The following KCTD1 variants were observed in gnomAD, a reference collection of about 807,000 sequenced individuals.
KCTD1 encodes BTB/POZ domain-containing protein KCTD1.
Under a neutral mutation model 66.0 loss-of-function variants are expected in KCTD1, and 24 were observed. The ratio of observed to expected loss-of-function variants is 0.36; its 90% CI spans 0.26 to 0.51. The LOEUF is 0.51. Ranked by LOEUF, KCTD1 falls within the 20% of genes least tolerant of loss-of-function variation. The pLI, the probability that KCTD1 is intolerant of heterozygous loss-of-function variation, is 0.95. For synonymous variants in KCTD1, 511 were observed against 517.2 expected, an observed-to-expected ratio of 0.99 and a Z score of 0.16; for missense variants, 943 against 1,205.2, an observed-to-expected ratio of 0.78 and a Z score of 3.22.
At chr18:26,570,191 A>AAAAAAATATATATAT (rs776923644) in intron 1 of KCTD1, among the ~76,000 whole-genome samples, 3 of 132,548 alleles carry the variant, frequency 2.3e-5, no homozygotes, top group South Asian at 5.0e-4. Context: ...ATCTAAAAAA[A>AAAAAAATATATATAT]ATATATATAT....
chr18:26,501,375 G>T, intron 1 of KCTD1, 125 bp from the exon 2 acceptor site: 1 of 822,792 alleles, frequency 1.2e-6, no homozygotes, highest in African/African-American at 1.7e-5. Flanking sequence ...CTGAAAAACC[G>T]GCAAGCTCTT....
At chr18:26,490,700 C>T (rs1441745089) in intron 2 of KCTD1, among the ~76,000 whole-genome samples, 1 of 152,086 alleles carries the variant, frequency 6.6e-6, no homozygotes, top group Non-Finnish European at 1.5e-5. Context: ...GTGCCAGGCA[C>T]CGAAGACTAC....
chr18:26,606,335 GT>G (rs1458744221), intron 1 of KCTD1, among the ~76,000 whole-genome samples: 1 of 152,184 alleles, frequency 6.6e-6, no homozygotes, highest in Admixed American at 6.5e-5. Flanking sequence ...GGCTGAACCA[GT>G]TTTTTAGGTT....
At chr18:26,516,138 G>A (rs941725276) in intron 1 of KCTD1, among the ~76,000 whole-genome samples, 3 of 152,142 alleles carry the variant, frequency 2.0e-5, no homozygotes, top group Non-Finnish European at 4.4e-5. Flanking sequence ...GGACAGTGGT[G>A]TGGGAGGGAG....
intron 1 of KCTD1, among the ~76,000 whole-genome samples, chr18:26,595,719 T>C (rs762582857): frequency 2.0e-5 from 3 of 152,206 alleles, no homozygotes; most frequent in Non-Finnish European, 4.4e-5. Context: ...AAGTTTTGTA[T>C]TGAATAAGGC....
At chr18:26,626,619 A>G (rs983187158) in intron 1 of KCTD1, among the ~76,000 whole-genome samples, 1 of 151,910 alleles carries the variant, frequency 6.6e-6, no homozygotes. Context: ...GACCACAGGC[A>G]CGGGCCACCA....
At chr18:26,599,267 T>C (rs544008944) in intron 1 of KCTD1, 2 of 681,294 alleles carry the variant, frequency 2.9e-6, no homozygotes, top group South Asian at 4.1e-5. Context: ...TTGAAAAGAC[T>C]ATTCCTTCTC....
chr18:26,567,341 C>T (rs530805593), intron 1 of KCTD1, among the ~76,000 whole-genome samples: 1 of 152,192 alleles, frequency 6.6e-6, no homozygotes, highest in Non-Finnish European at 1.5e-5. Context: ...AACAACCACT[C>T]TGGAATCTAT....
chr18:26,641,255 G>C (rs1294675985), upstream of KCTD1, among the ~76,000 whole-genome samples: 2 of 152,124 alleles, frequency 1.3e-5, no homozygotes, highest in African/African-American at 2.4e-5. Flanking sequence ...AAACATCTGG[G>C]GGCAGAGCCT....
At chr18:26,612,667 C>T (rs1416487150) in intron 1 of KCTD1, among the ~76,000 whole-genome samples, 1 of 152,160 alleles carries the variant, frequency 6.6e-6, no homozygotes, top group Non-Finnish European at 1.5e-5. Context: ...AGACTTCTGG[C>T]CTGCAGAACT....
At chr18:26,565,444 G>A (rs1163358536) in intron 1 of KCTD1, among the ~76,000 whole-genome samples, 1 of 152,146 alleles carries the variant, frequency 6.6e-6, no homozygotes. Flanking sequence ...CCTTCCCAGA[G>A]TATACTCTGG....
chr18:26,584,418 ATC>A (rs1986425970), intron 1 of KCTD1, among the ~76,000 whole-genome samples: 2 of 152,270 alleles, frequency 1.3e-5, no homozygotes, highest in South Asian at 4.1e-4. Context: ...AATTAATTTC[ATC>A]TGTTTCTTTT....
At chr18:26,641,420 G>T (rs915493186), upstream of KCTD1, among the ~76,000 whole-genome samples, 20 of 152,166 alleles carry the variant, frequency 1.3e-4, no homozygotes, top group Non-Finnish European at 4.4e-5. Flanking sequence ...GCCCTTTTTA[G>T]CTCAGACACA....
chr18:26,556,249 G>A (rs1251952112), intron 1 of KCTD1, among the ~76,000 whole-genome samples: 1 of 152,134 alleles, frequency 6.6e-6, no homozygotes, highest in Non-Finnish European at 1.5e-5. Flanking sequence ...CTTGGAGAGG[G>A]GCAGAGAAGC....
intron 1 of KCTD1, among the ~76,000 whole-genome samples, chr18:26,626,337 A>G (rs1230043662): frequency 1.3e-5 from 2 of 152,314 alleles, no homozygotes; most frequent in Admixed American, 6.5e-5. Flanking sequence ...CCAAAAACCA[A>G]GAAATAAATA....
At chr18:26,514,547 CTCA>C (rs1567975957) in intron 1 of KCTD1, among the ~76,000 whole-genome samples, 1 of 81,032 alleles carries the variant, frequency 1.2e-5, no homozygotes, top group Non-Finnish European at 2.3e-5. Context: ...GAGACCTTGT[CTCA>C]AAAAAAAAAA....
chr18:26,599,686 T>C, intron 1 of KCTD1: 1 of 1,498,038 alleles, frequency 6.7e-7, no homozygotes, highest in Non-Finnish European at 9.3e-7. Flanking sequence ...GATGTCTTTT[T>C]CTGAAAGAGC....
chr18:26,624,383 T>C lies in KCTD1; in HGVS notation c.-16+4764A>G, dbSNP rs554932212. 3.4e-4 allele frequency among the ~76,000 whole-genome samples: 52 copies of C among 152,280 alleles called. 1 individual carries two copies. The highest frequency in any genetic ancestry group is 1.1e-3 in the African/African-American group (46 of 41,566). On this transcript the variant is annotated intron_variant, in intron 1 of 4. Coordinates refer to the KCTD1 transcript ENST00000317932. ...AGAGGCCTAAGAGGGAAAAATGGTT[T>C]GGTGGGCAAGACCCAGGGACCCCTT...
chr18:26,476,764 G>A lies in KCTD1; in HGVS notation c.1989-105C>T. Reference sequence around the variant, plus strand: ...TGTCAAAGGTAGCACTTTTGAAGATGGCAGTAGGGAAAAATTACGATTGTC... The same window carrying A: ...TGTCAAAGGTAGCACTTTTGAAGATAGCAGTAGGGAAAAATTACGATTGTC... On this transcript the variant is annotated intron_variant, in intron 2 of 4. Transcript: ENST00000580059. This position sits in a 1 kb window ranked among gnomAD's most constrained non-coding sequence, Gnocchi z 4.9. 1.0e-6 allele frequency: 1 copy of A among 961,138 alleles called. No homozygotes were observed. Among genetic ancestry groups the A allele is most frequent in the Non-Finnish European group, 1.6e-6 (1 of 632,650 alleles). 59.5% of individuals were successfully genotyped at this position (961,138 alleles called of 1,614,324 possible). A position where few individuals can be genotyped will look rare whatever the true frequency, so the allele number is the denominator to read the frequency against.
Sources: allele counts gnomAD v4.1 joint callset (sites outside exome capture counted in the v4.1 genomes callset), GRCh38; gene constraint gnomAD v4.1.1; non-coding constraint Gnocchi (gnomAD v3.1); transcripts MANE v1.5; gene names NCBI Gene and HGNC (gene_info 2026-07-23, HGNC 2026-07-21).